Variants in EFTUD2 observed in about 807,000 individuals in gnomAD.
EFTUD2 encodes elongation factor Tu GTP binding domain containing 2, also known as 116 kDa U5 small nuclear ribonucleoprotein component.
A neutral mutation model predicts 114.3 loss-of-function variants in EFTUD2; 9 were observed. The ratio of observed to expected loss-of-function variants is 0.08; its 90% CI spans 0.05 to 0.14. The LOEUF is 0.14. EFTUD2 is among the 10% of genes least tolerant of loss of function. The probability of loss-of-function intolerance (pLI) is 1.00; values close to 1 mark genes in which losing one functional copy is unlikely to be tolerated. For synonymous variants in EFTUD2, 449 were observed against 462.3 expected, an observed-to-expected ratio of 0.97 and a Z score of 0.37; for missense variants, 765 against 1,241.2, an observed-to-expected ratio of 0.62 and a Z score of 5.76.
chr17:44,871,789 T>G (rs2050860033), intron 11 of EFTUD2, among the ~76,000 whole-genome samples: 1 of 152,182 alleles, frequency 6.6e-6, no homozygotes, highest in Non-Finnish European at 1.5e-5. Flanking sequence ...GCCTGTCTGC[T>G]CGACTCTAAG....
chr17:44,888,836 T>C (rs1422880529), intron 2 of EFTUD2, among the ~76,000 whole-genome samples: 2 of 152,206 alleles, frequency 1.3e-5, no homozygotes, highest in African/African-American at 2.4e-5. Flanking sequence ...TGAGATTCCC[T>C]GTTAGACATT....
rs114443616 is a variant in EFTUD2 at position 44,879,943 on chromosome 17, G to C, written c.620-305C>G. On this transcript the variant is annotated intron_variant, in intron 8 of 27. Coordinates refer to ENST00000426333, the MANE Select transcript of EFTUD2 (RefSeq NM_004247.4). Reference sequence around the variant, plus strand: ...GTAAGTAGAGTTCTGTGGGATTCAAGACAATCTGGAGGCAGGAGAAAGGGC... The same window carrying C: ...GTAAGTAGAGTTCTGTGGGATTCAACACAATCTGGAGGCAGGAGAAAGGGC... Among the ~76,000 whole-genome samples the C allele has an allele frequency of 4.6e-3, 707 of 152,226 alleles. 7 individuals are homozygous for C. Among genetic ancestry groups the C allele is most frequent in the African/African-American group, 0.017 (694 of 41,540 alleles).
At position 44,864,989 on chromosome 17, in the gene EFTUD2, T is replaced by C; in HGVS notation, c.1226A>G (p.Lys409Arg). Reference protein sequence around the residue: ...LGIHLTKEELKLNIRPLLRLV... With the variant: ...LGIHLTKEELRLNIRPLLRLV... ...CCTGAGCAAGGGGCGGATGTTCAGC[T>C]TCAGCTCCTCCTTCGTCAGGTGGAT... Residue 409 changes from lysine to arginine, a missense_variant, in exon 14 of 28, where the codon AAG becomes AGG. This residue lies in a region of EFTUD2 where 251 missense variants were observed against 357.7 expected (regional missense o/e 0.70). Coordinates refer to ENST00000426333, the MANE Select transcript of EFTUD2 (RefSeq NM_004247.4). The C allele has an allele frequency of 6.2e-7, 1 of 1,614,180 alleles. No individual in the cohort carries two copies.
At position 44,879,650 on chromosome 17, in the gene EFTUD2, A is replaced by G. The variant is rs1567747994; in HGVS notation, c.620-12T>C. ...GAAATTCACATGTCCTGAAAAGCAAATACTAAGTAAGTCATCACTTGGTGC... is the reference window on the plus strand; with the variant it reads ...GAAATTCACATGTCCTGAAAAGCAAGTACTAAGTAAGTCATCACTTGGTGC... On this transcript the variant is annotated splice_polypyrimidine_tract_variant and intron_variant, in intron 8 of 27. Transcript: ENST00000426333. 6.2e-7 allele frequency: 1 copy of G among 1,613,092 alleles called. No homozygotes were observed. The highest frequency in any genetic ancestry group is 8.5e-7 in the Non-Finnish European group (1 of 1,179,708).
chr17:44,854,041 G>A lies in EFTUD2; in HGVS notation c.2347+228C>T. 1 of 1,377,462 alleles carries A rather than the reference G, an allele frequency of 7.3e-7. No homozygotes were observed. Among genetic ancestry groups the A allele is most frequent in the Non-Finnish European group, 9.3e-7 (1 of 1,070,662 alleles). 85.3% of individuals were successfully genotyped at this position (1,377,462 alleles called of 1,614,324 possible). On this transcript the variant is annotated intron_variant, in intron 23 of 27. Transcript: ENST00000426333. This position sits in a 1 kb window ranked among gnomAD's most constrained non-coding sequence, Gnocchi z 4.3. Reference sequence around the variant, plus strand: ...TACGTCCAACGCCAAACCCTTCTCAGAAATGAGGAGCAAATGACAGTTTAG... The same window carrying A: ...TACGTCCAACGCCAAACCCTTCTCAAAAATGAGGAGCAAATGACAGTTTAG...
rs1287272854 is a variant in EFTUD2 at position 44,851,774 on chromosome 17, G to A, written c.2759C>T (p.Pro920Leu). The A allele has an allele frequency of 1.9e-6, 3 of 1,606,030 alleles. No homozygotes were observed. The highest frequency in any genetic ancestry group is 2.5e-6 in the Non-Finnish European group (3 of 1,177,740). ...DPLDKSIVIR[P>L]LEPQPAPHLA... ...GTGAGGAGCTGGCTGTGGCTCCAAG[G>A]GGCGGATGACAATGCTCTTGTCCAG... Residue 920 changes from proline to leucine, a missense_variant, in exon 27 of 28, where the codon CCC becomes CTC. Pro to Leu is a moderately conservative substitution (Grantham distance 98). Around this residue, in one of 6 missense-constraint regions of EFTUD2, gnomAD observed 166 missense variants for 401.5 expected, o/e 0.41. Coordinates refer to ENST00000426333, the MANE Select transcript of EFTUD2 (RefSeq NM_004247.4).
chr17:44,861,920 G>C (rs532632322), intron 16 of EFTUD2, among the ~76,000 whole-genome samples: 1 of 152,304 alleles, frequency 6.6e-6, no homozygotes, highest in African/African-American at 2.4e-5. Context: ...GTAGCCCAGA[G>C]GCCCAAGCTA....
In EFTUD2 at chr17:44,899,364, CT is replaced by C. The variant is rs2051469342; in HGVS notation, c.-5+4del. ...CTTCCGTGCCGCTGACCCGCTTCAA[CT>C]TACCTCTCGCCTGCTCAGCTAAGAG... is the stretch of plus-strand genomic sequence containing the variant. On this transcript the variant is annotated splice_donor_region_variant and intron_variant, in intron 1 of 27. Transcript: ENST00000426333. 6.6e-6 allele frequency: 1 copy of C among 152,334 alleles called. No homozygotes were observed. The highest frequency in any genetic ancestry group is 2.4e-5 in the African/African-American group (1 of 41,466). 9.4% of individuals were successfully genotyped at this position (152,334 alleles called of 1,614,324 possible). A position where few individuals can be genotyped will look rare whatever the true frequency, so the allele number is the denominator to read the frequency against.
At chr17:44,882,157 C>T (rs1340335265) in intron 6 of EFTUD2, among the ~76,000 whole-genome samples, 1 of 152,206 alleles carries the variant, frequency 6.6e-6, no homozygotes, top group African/African-American at 2.4e-5. Flanking sequence ...TGGTCTCGAA[C>T]TCCTGACCTC....
chr17:44,883,542 G>A, intron 5 of EFTUD2, 107 bp downstream of exon 5: 1 of 1,055,640 alleles, frequency 9.5e-7, no homozygotes, highest in Non-Finnish European at 1.5e-6. Context: ...TAGTCAGGAG[G>A]TTGAGCCTTG....
At position 44,883,640 on chromosome 17, in the gene EFTUD2, CCG is replaced by C; in HGVS notation, c.426+7_426+8del. On this transcript the variant is annotated splice_region_variant and intron_variant, in intron 5 of 27. Coordinates refer to ENST00000426333, the MANE Select transcript of EFTUD2 (RefSeq NM_004247.4). ...ATCCTGTTCCAAGTAGCTGAAAGTT[CCG>C]TCTTACCTTGCCATGGTGGAGATGT... 6.2e-7 allele frequency: 1 copy of C among 1,613,266 alleles called. No homozygotes were observed. The highest frequency in any genetic ancestry group is 1.3e-5 in the African/African-American group (1 of 75,014).
At position 44,854,599 on chromosome 17, in the gene EFTUD2, G is replaced by A. The variant is rs547368508; in HGVS notation, c.2216C>T (p.Ala739Val). The change falls in exon 22 of 28, where the codon GCG (alanine) becomes GTG (valine). Residue 739 changes from alanine (A) to valine (V), a missense_variant. Around this residue, in one of 6 missense-constraint regions of EFTUD2, gnomAD observed 166 missense variants for 401.5 expected, o/e 0.41. Coordinates refer to ENST00000426333, the MANE Select transcript of EFTUD2 (RefSeq NM_004247.4). The surrounding 1 kb of genome is among the most constrained non-coding windows in gnomAD (Gnocchi z 4.3). ...ARSIWAFGPD[A>V]TGPNILVDDT... ...ATCCACCAGAATGTTGGGGCCAGTC[G>A]CATCAGGGCCAAAAGCCCAGATGGA... 3.1e-6 allele frequency: 5 copies of A among 1,614,034 alleles called. No homozygotes were observed. The East Asian group carries it at 6.7e-5, about 22-fold the overall frequency.
chr17:44,864,276 G>T (rs376032149), intron 14 of EFTUD2, among the ~76,000 whole-genome samples: 1 of 152,136 alleles, frequency 6.6e-6, no homozygotes, highest in African/African-American at 2.4e-5. Context: ...ATGGTATCTG[G>T]TGTGTCAGAT....
intron 13 of EFTUD2, among the ~76,000 whole-genome samples, chr17:44,865,828 T>G (rs902413623): frequency 1.3e-5 from 2 of 152,170 alleles, no homozygotes; most frequent in African/African-American, 4.8e-5. Context: ...TTCCCTTTTT[T>G]AGAGACAGGG....
At position 44,867,917 on chromosome 17, in the gene EFTUD2, C is replaced by T. The variant is rs771148383; in HGVS notation, c.1059-20G>A. On this transcript the variant is annotated intron_variant, in intron 12 of 27. Coordinates refer to ENST00000426333, the MANE Select transcript of EFTUD2 (RefSeq NM_004247.4). ...TTTCGCCTAAAAGGAAAAATAAGTT[C>T]TGAGTGACCCAGGGGAAAAGGCACT... 105 of 1,563,528 alleles carry T rather than the reference C, an allele frequency of 6.7e-5. No individual in the cohort carries two copies. Among genetic ancestry groups the T allele is most frequent in the Middle Eastern group, 3.4e-4 (2 of 5,946 alleles).
chr17:44,886,466 C>T, intron 3 of EFTUD2, 119 bp downstream of exon 3: 7 of 1,497,540 alleles, frequency 4.7e-6, no homozygotes, highest in Non-Finnish European at 6.2e-6. Context: ...AGAAACAGTA[C>T]CTGAAGGTAG....
chr17:44,873,191 A>T (rs1314402787), intron 10 of EFTUD2: 1 of 152,290 alleles, frequency 6.6e-6, no homozygotes, highest in Non-Finnish European at 1.5e-5. Flanking sequence ...ATGTCCCAAT[A>T]TAGAAATAAA....
At chr17:44,868,026 C>T (rs1290997019) in intron 12 of EFTUD2, 129 bp from the exon 13 acceptor site, 17 of 982,092 alleles carry the variant, frequency 1.7e-5, no homozygotes, top group Non-Finnish European at 4.4e-6. Flanking sequence ...TGTAAAGTTT[C>T]CAGAGACAGA....
At chr17:44,882,706 A>G (rs1444000648) in intron 6 of EFTUD2, among the ~76,000 whole-genome samples, 1 of 152,232 alleles carries the variant, frequency 6.6e-6, no homozygotes, top group Admixed American at 6.5e-5. Flanking sequence ...CATTTATTGC[A>G]CTGAGACTTG....
Sources: gnomAD v4.1 joint callset for allele counts (sites outside exome capture counted in the v4.1 genomes callset) on GRCh38, gnomAD v4.1.1 for gene constraint, gnomAD v4.1.1 regional missense constraint, Gnocchi (gnomAD v3.1) non-coding constraint, MANE v1.5 for transcripts, NCBI Gene and HGNC (gene_info 2026-07-23, HGNC 2026-07-21) for gene names.